Variants in CSMD3 observed in about 807,000 individuals in gnomAD.
The protein encoded by CSMD3 is CUB and Sushi multiple domains 3.
Under a neutral mutation model 435.2 loss-of-function variants are expected in CSMD3, and 177 were observed. The ratio of observed to expected loss-of-function variants is 0.41; its 90% CI spans 0.36 to 0.46. The LOEUF (loss-of-function observed/expected upper bound fraction) is 0.46. CSMD3 is among the 20% of genes least tolerant of loss of function. The pLI is 0.34. For missense variants in CSMD3, 4,265 were observed against 4,504.6 expected (o/e 0.95, Z 1.52); for synonymous variants, 1,656 against 1,520.5 (o/e 1.09, Z -2.07).
chr8:112,269,902 C>T (rs1817306374), intron 59 of CSMD3, among the ~76,000 whole-genome samples: 1 of 152,150 alleles, frequency 6.6e-6, no homozygotes, highest in African/African-American at 2.4e-5. Flanking sequence ...CATTTTAATG[C>T]ATGATCTTGA....
chr8:113,417,661 AT>A (rs1176240968), intron 1 of CSMD3, among the ~76,000 whole-genome samples: 4 of 151,844 alleles, frequency 2.6e-5, no homozygotes, highest in Non-Finnish European at 5.9e-5. Context: ...AGGCTGTCTT[AT>A]TTTTTTCTTC....
chr8:112,747,979 A>AC (rs1315155430), intron 13 of CSMD3, among the ~76,000 whole-genome samples: 1 of 151,724 alleles, frequency 6.6e-6, no homozygotes, highest in African/African-American at 2.4e-5. Context: ...AAAAAAAAAA[A>AC]AAAAAAACAG....
chr8:113,314,877 G>T, intron 1 of CSMD3, 84 bp from the exon 2 acceptor site: 1 of 935,646 alleles, frequency 1.1e-6, no homozygotes, highest in Non-Finnish European at 1.7e-6. Context: ...AAAGTCTATT[G>T]CATTTCCAAG....
intron 6 of CSMD3, among the ~76,000 whole-genome samples, chr8:112,981,791 G>A (rs528542692): frequency 6.6e-6 from 1 of 151,650 alleles, no homozygotes; most frequent in East Asian, 1.9e-4. Flanking sequence ...CACATGCCAA[G>A]CAACCATAAA....
chr8:113,098,921 A>G lies in CSMD3; in HGVS notation c.752T>C (p.Ile251Thr), dbSNP rs1009350101. The G allele has an allele frequency of 3.7e-6, 6 of 1,612,392 alleles. No individual in the cohort carries two copies. In the Middle Eastern group the frequency reaches 4.9e-4, roughly 133 times the overall value. The change falls in exon 5 of 71, where the codon ATC becomes ACC. Residue 251 changes from isoleucine (I) to threonine (T), a missense_variant. Coordinates refer to ENST00000297405, the MANE Select transcript of CSMD3 (RefSeq NM_198123.2). Reference protein sequence around the residue: ...CGGTMRGSSGIISSPSFPNEY... With the variant: ...CGGTMRGSSGTISSPSFPNEY... ...ATTAGGAAAACTAGGGCTGGATATGATGCCACTGGATCCTCTCATTGTTCC... is the reference window on the plus strand; with the variant it reads ...ATTAGGAAAACTAGGGCTGGATATGGTGCCACTGGATCCTCTCATTGTTCC...
At chr8:112,270,343 AGTGTGTGT>A (rs10577337) in intron 59 of CSMD3, among the ~76,000 whole-genome samples, 20,711 of 124,140 alleles carry the variant, frequency 0.17, 1,617 homozygotes, top group Middle Eastern at 0.26. Flanking sequence ...CAGAGGGGTG[AGTGTGTGT>A]GTGTGTGTGT....
rs543898190 is a variant in CSMD3, at chr8:112,580,629, G to C, written c.3885+6437C>G. Among the ~76,000 whole-genome samples the C allele has an allele frequency of 3.3e-5, 5 of 151,930 alleles. No individual in the cohort carries two copies. In the East Asian group the frequency reaches 9.7e-4, roughly 30 times the overall value. On this transcript the variant is annotated intron_variant, in intron 23 of 70. Transcript: ENST00000297405. ...CTGGTGTAACTCAGTGTCATATACA[G>C]AGTAATTGAAAAATGCTTCTTATGA...
At chr8:113,259,130 A>G (rs1429913039) in intron 3 of CSMD3, among the ~76,000 whole-genome samples, 2 of 152,170 alleles carry the variant, frequency 1.3e-5, no homozygotes, top group South Asian at 2.1e-4. Flanking sequence ...TCTTCATTCC[A>G]TCCTGTCCTT....
chr8:112,618,235 A>G (rs1056274277), intron 22 of CSMD3, among the ~76,000 whole-genome samples: 2 of 152,108 alleles, frequency 1.3e-5, no homozygotes, highest in African/African-American at 4.8e-5. Flanking sequence ...TCACTTTGTA[A>G]AGGAATTAAA....
intron 4 of CSMD3, among the ~76,000 whole-genome samples, chr8:113,139,213 A>G (rs2091489353): frequency 6.6e-6 from 1 of 151,024 alleles, no homozygotes; most frequent in Non-Finnish European, 1.5e-5. Context: ...GCAAATAATA[A>G]AAGTAAAATA....
In CSMD3 at chr8:112,481,040, A is replaced by C. The variant is rs1327400316; in HGVS notation, c.5279-8333T>G. On this transcript the variant is annotated intron_variant, in intron 31 of 70. Transcript: ENST00000297405. ...TATTACATATATTCTTGTTTTACCC[A>C]TGAATTATGTATGCAATGATACAGT... 3.3e-5 allele frequency among the ~76,000 whole-genome samples: 5 copies of C among 152,320 alleles called. No individual in the cohort carries two copies. In the East Asian group the frequency reaches 9.6e-4, roughly 29 times the overall value.
intron 32 of CSMD3, among the ~76,000 whole-genome samples, chr8:112,409,523 A>AG (rs911274747): frequency 6.6e-6 from 1 of 152,058 alleles, no homozygotes; most frequent in Non-Finnish European, 1.5e-5. Context: ...GAAAAAGATT[A>AG]GCGAGATTCT....
intron 60 of CSMD3, among the ~76,000 whole-genome samples, 195 bp from the exon 61 acceptor site, chr8:112,264,007 C>A (rs990711396): frequency 1.3e-5 from 2 of 152,140 alleles, no homozygotes; most frequent in African/African-American, 4.8e-5. Flanking sequence ...GCAACTTTTT[C>A]TTGGCAACAT....
At chr8:113,339,905 G>T (rs908344813) in intron 1 of CSMD3, among the ~76,000 whole-genome samples, 1 of 151,824 alleles carries the variant, frequency 6.6e-6, no homozygotes, top group Admixed American at 6.6e-5. Context: ...TAATTTATCT[G>T]CTATTAGCAT....
At chr8:112,929,369 A>G (rs1004570918) in intron 9 of CSMD3, among the ~76,000 whole-genome samples, 1 of 103,660 alleles carries the variant, frequency 9.6e-6, no homozygotes, top group African/African-American at 3.4e-5. Flanking sequence ...CTAAAACTTA[A>G]AGCATAATAA....
chr8:113,354,940 A>G (rs116644760), intron 1 of CSMD3, among the ~76,000 whole-genome samples: 2,127 of 152,206 alleles, frequency 0.014, 51 homozygotes, highest in African/African-American at 0.049. Flanking sequence ...CGCCCAACCA[A>G]CAGAGACAAA....
chr8:112,443,292 A>G (rs1443059205), intron 32 of CSMD3, among the ~76,000 whole-genome samples: 1 of 152,198 alleles, frequency 6.6e-6, no homozygotes, highest in African/African-American at 2.4e-5. Context: ...ACAGTAGCAA[A>G]CGGTTATTTT....
rs542548046 is a variant in CSMD3 at position 113,023,698 on chromosome 8, A to G, written c.918-4519T>C. ...TAAATCTTTCTCAGGAAAACCAGAC[A>G]AAGTTCCATGGTTAAGAGAGGTGCC... is the stretch of plus-strand genomic sequence containing the variant. On this transcript the variant is annotated intron_variant, in intron 5 of 70. Coordinates refer to ENST00000297405, the MANE Select transcript of CSMD3 (RefSeq NM_198123.2). 3.9e-4 allele frequency among the ~76,000 whole-genome samples: 59 copies of G among 152,252 alleles called. 1 individual carries two copies. The South Asian group carries it at 0.012, about 30-fold the overall frequency.
At chr8:113,299,411 G>A (rs2093746950) in intron 2 of CSMD3, among the ~76,000 whole-genome samples, 1 of 152,108 alleles carries the variant, frequency 6.6e-6, no homozygotes, top group Admixed American at 6.6e-5. Context: ...AGTAGTCAAT[G>A]GGGGTTGAGG....
Sources: gnomAD v4.1 joint callset for allele counts (sites outside exome capture counted in the v4.1 genomes callset) on GRCh38, gnomAD v4.1.1 for gene constraint, MANE v1.5 for transcripts, NCBI Gene and HGNC (gene_info 2026-07-23, HGNC 2026-07-21) for gene names.